WBP11: variants seen among roughly 807,000 people sequenced by gnomAD.
The protein encoded by WBP11 is WW domain-binding protein 11.
Under a neutral mutation model 66.7 loss-of-function variants are expected in WBP11, and 12 were observed. The ratio of observed to expected loss-of-function variants is 0.18; its 90% CI spans 0.12 to 0.29. The LOEUF (loss-of-function observed/expected upper bound fraction) is 0.29, where lower values mean the gene tolerates loss of function less well. Ranked by LOEUF, WBP11 falls within the 10% of genes least tolerant of loss-of-function variation. The pLI, the probability that WBP11 is intolerant of heterozygous loss-of-function variation, is 1.00. For synonymous variants in WBP11, 255 were observed against 273.8 expected (o/e 0.93, Z 0.68); for missense variants, 555 against 818.3 (o/e 0.68, Z 3.93).
chr12:14,796,639 G>A lies in WBP11; in HGVS notation c.387+168C>T, dbSNP rs1949897261. On this transcript the variant is annotated intron_variant, in intron 5 of 11. Transcript: ENST00000261167. This position sits in a 1 kb window ranked among gnomAD's most constrained non-coding sequence, Gnocchi z 4.5. ...AAACATAAATTTCATGCTTAGACTAGGGTTCCATCCCCAAAATATATGCAA... is the reference window on the plus strand; with the variant it reads ...AAACATAAATTTCATGCTTAGACTAAGGTTCCATCCCCAAAATATATGCAA... Among the ~76,000 whole-genome samples, 2 of 151,836 alleles carry A rather than the reference G, an allele frequency of 1.3e-5. No individual in the cohort carries two copies. The highest frequency in any genetic ancestry group is 1.3e-4 in the Admixed American group (2 of 15,248).
chr12:14,789,172 G>A, intron 10 of WBP11, 39 bp from the exon 11 acceptor site: 1 of 1,480,566 alleles, frequency 6.8e-7, no homozygotes, highest in Non-Finnish European at 8.9e-7. Flanking sequence ...TCACACAAAT[G>A]TACACTAAGT....
At chr12:14,794,441 T>C (rs1949864076) in intron 7 of WBP11, 96 bp downstream of exon 7, 1 of 1,372,864 alleles carries the variant, frequency 7.3e-7, no homozygotes, top group East Asian at 2.3e-5. Context: ...TACCCTCTCA[T>C]TTACTTTCTA....
chr12:14,800,178 T>C (rs1035698735), intron 3 of WBP11, among the ~76,000 whole-genome samples: 3 of 152,118 alleles, frequency 2.0e-5, no homozygotes, highest in African/African-American at 7.2e-5. Flanking sequence ...TCGAACATTA[T>C]TTAAAATCTG....
Sources: gnomAD v4.1 joint callset for allele counts (sites outside exome capture counted in the v4.1 genomes callset) on GRCh38, gnomAD v4.1.1 for gene constraint, Gnocchi (gnomAD v3.1) non-coding constraint, MANE v1.5 for transcripts, NCBI Gene and HGNC (gene_info 2026-07-23, HGNC 2026-07-21) for gene names.